The following BABAM2 variants were observed in gnomAD, a reference collection of about 807,000 sequenced individuals.
BABAM2 encodes BRISC and BRCA1 A complex member 2, also known as BRISC and BRCA1-A complex member 2.
Under a neutral mutation model 54.7 loss-of-function variants are expected in BABAM2, and 31 were observed. The observed-to-expected ratio is 0.57, with a 90% CI of 0.43 to 0.77. The LOEUF is 0.77. Among genes scored for constraint, BABAM2 ranks in the 30% least tolerant of loss-of-function variants. BABAM2 has a pLI of 0.00. For synonymous variants in BABAM2, 167 were observed against 162.9 expected (o/e 1.03, Z -0.19); for missense variants, 364 against 455.8 (o/e 0.80, Z 1.83).
chr2:28,060,220 T>A (rs1031736293), intron 6 of BABAM2, among the ~76,000 whole-genome samples: 1 of 152,058 alleles, frequency 6.6e-6, no homozygotes, highest in African/African-American at 2.4e-5. Context: ...ATATAACTAA[T>A]CATATTAACA....
rs373462113 is a variant in BABAM2, at chr2:28,196,325, T to TA, written c.681-40867dup. ...CTGGGCAACAGAGCAAGACTCCATA[T>TA]AAAAAAAAAATGAATTTTTTACAAA... is the stretch of plus-strand genomic sequence containing the variant. On this transcript the variant is annotated intron_variant, in intron 7 of 11. Transcript: ENST00000379624. Among the ~76,000 whole-genome samples the TA allele has an allele frequency of 5.6e-3, 602 of 108,420 alleles. 41 individuals carry two copies. Among genetic ancestry groups the TA allele is most frequent in the Non-Finnish European group, 0.01 (425 of 42,176 alleles). The allele number at this position is 108,420 out of a possible 152,430, so 71.1% of individuals were successfully genotyped here.
intron 3 of BABAM2, among the ~76,000 whole-genome samples, chr2:27,957,882 C>T (rs1308149838): frequency 6.6e-6 from 1 of 152,172 alleles, no homozygotes; most frequent in Non-Finnish European, 1.5e-5. Flanking sequence ...AGCAGGAATA[C>T]TTTTGCTTGG....
At chr2:28,184,285 T>TCTCTCTCC (rs140329617) in intron 7 of BABAM2, among the ~76,000 whole-genome samples, 32 of 102,202 alleles carry the variant, frequency 3.1e-4, no homozygotes, top group Non-Finnish European at 5.5e-4. Context: ...TCTCTCTCTC[T>TCTCTCTCC]CCCCCCCTCC....
intron 6 of BABAM2, among the ~76,000 whole-genome samples, chr2:28,120,280 TA>T (rs1184292090): frequency 6.6e-6 from 1 of 152,218 alleles, no homozygotes; most frequent in Non-Finnish European, 1.5e-5. Context: ...AATGGTTCCT[TA>T]AGTTGCTCAT....
At chr2:28,275,135 A>G (rs972183245) in intron 10 of BABAM2, among the ~76,000 whole-genome samples, 61 of 152,332 alleles carry the variant, frequency 4.0e-4, no homozygotes, top group African/African-American at 1.4e-3. Context: ...CAGATGGACC[A>G]GTGATTTCAT....
At chr2:28,268,622 C>G (rs917265326) in intron 10 of BABAM2, among the ~76,000 whole-genome samples, 7 of 152,172 alleles carry the variant, frequency 4.6e-5, no homozygotes, top group African/African-American at 1.7e-4. Flanking sequence ...AGGAACAGAT[C>G]TATTGCTTGA....
chr2:27,960,904 G>C (rs1195234356), intron 3 of BABAM2, among the ~76,000 whole-genome samples: 2 of 152,338 alleles, frequency 1.3e-5, no homozygotes, highest in East Asian at 3.9e-4. Flanking sequence ...AACTGCTTAT[G>C]ATGAGAAATA....
At chr2:28,176,696 T>TA (rs893546774) in intron 7 of BABAM2, among the ~76,000 whole-genome samples, 1 of 150,254 alleles carries the variant, frequency 6.7e-6, no homozygotes, top group African/African-American at 2.4e-5. Flanking sequence ...TAGATATCCT[T>TA]AAAAAGAACC....
chr2:28,138,057 C>A (rs1670700696), intron 7 of BABAM2, among the ~76,000 whole-genome samples: 1 of 152,110 alleles, frequency 6.6e-6, no homozygotes, highest in African/African-American at 2.4e-5. Flanking sequence ...TTCTTAACAG[C>A]AAAGCTTTTC....
chr2:27,892,934 C>G (rs886849032), intron 1 of BABAM2, among the ~76,000 whole-genome samples: 1 of 152,124 alleles, frequency 6.6e-6, no homozygotes, highest in Non-Finnish European at 1.5e-5. Flanking sequence ...TGGTTGTCAT[C>G]ACTATATAGG....
chr2:27,894,661 G>A lies in BABAM2; in HGVS notation c.105G>A (p.Leu35=), dbSNP rs1181244910. The A allele has an allele frequency of 8.1e-6, 13 of 1,614,020 alleles. No homozygotes were observed. The highest frequency in any genetic ancestry group is 1.0e-5 in the Non-Finnish European group (12 of 1,180,028). The change falls in exon 2 of 12, where the codon TTG becomes TTA. Residue 35 remains leucine (L), a synonymous_variant. Coordinates refer to ENST00000379624, the MANE Select transcript of BABAM2 (RefSeq NM_199191.3). ...TGGGACTGGATGCTACAAACTGTTTGAGGATAACTGACTTAAAATCTGGGT... is the reference window on the plus strand; with the variant it reads ...TGGGACTGGATGCTACAAACTGTTTAAGGATAACTGACTTAAAATCTGGGT... ...GKVGLDATNC[L]RITDLKSGCT...
At chr2:28,134,842 A>C (rs1280465641) in intron 7 of BABAM2, among the ~76,000 whole-genome samples, 1 of 152,182 alleles carries the variant, frequency 6.6e-6, no homozygotes. Context: ...ATTTCCTCAA[A>C]GTAAGAGGGA....
At chr2:28,185,845 G>A (rs1676224839) in intron 7 of BABAM2, among the ~76,000 whole-genome samples, 1 of 152,030 alleles carries the variant, frequency 6.6e-6, no homozygotes, top group Non-Finnish European at 1.5e-5. Context: ...GGGAGGCTAA[G>A]GATCACTTGA....
intron 7 of BABAM2, among the ~76,000 whole-genome samples, chr2:28,153,312 A>T (rs1465283992): frequency 6.6e-6 from 1 of 152,192 alleles, no homozygotes; most frequent in African/African-American, 2.4e-5. Flanking sequence ...TAGTTGGTGT[A>T]TTTGAAAATA....
At chr2:27,968,688 C>T (rs530262812) in intron 3 of BABAM2, among the ~76,000 whole-genome samples, 8 of 152,226 alleles carry the variant, frequency 5.3e-5, no homozygotes, top group Non-Finnish European at 8.8e-5. Context: ...CTGTACCCTG[C>T]AAAGCCACAG....
At chr2:27,946,563 T>G (rs1280143850) in intron 3 of BABAM2, among the ~76,000 whole-genome samples, 1 of 152,130 alleles carries the variant, frequency 6.6e-6, no homozygotes, top group Non-Finnish European at 1.5e-5. Flanking sequence ...AGATTGATTT[T>G]ATTTCTTCCT....
intron 3 of BABAM2, among the ~76,000 whole-genome samples, chr2:27,935,730 T>C (rs1007355092): frequency 1.3e-5 from 2 of 152,180 alleles, no homozygotes; most frequent in Non-Finnish European, 2.9e-5. Context: ...GCAGACTTCA[T>C]TGTTGTCTTA....
intron 3 of BABAM2, among the ~76,000 whole-genome samples, chr2:27,953,731 C>A (rs1669909115): frequency 6.6e-6 from 1 of 151,824 alleles, no homozygotes; most frequent in South Asian, 2.1e-4. Context: ...TAAGTATGAT[C>A]ATGTTTTTAG....
At chr2:27,980,485 T>C (rs1285524017) in intron 3 of BABAM2, among the ~76,000 whole-genome samples, 1 of 152,206 alleles carries the variant, frequency 6.6e-6, no homozygotes, top group Non-Finnish European at 1.5e-5. Flanking sequence ...TCTTGACTGA[T>C]TTACTGACTG....
Sources: allele counts gnomAD v4.1 joint callset (sites outside exome capture counted in the v4.1 genomes callset), GRCh38; gene constraint gnomAD v4.1.1; transcripts MANE v1.5; gene names NCBI Gene and HGNC (gene_info 2026-07-23, HGNC 2026-07-21).